DIS3L2: variants seen among roughly 807,000 people sequenced by gnomAD.
The protein encoded by DIS3L2 is DIS3 like 3'-5' exoribonuclease 2, also known as DIS3-like exonuclease 2.
In DIS3L2, 34 loss-of-function variants were observed where a neutral mutation model predicts 97.5. The ratio of observed to expected loss-of-function variants is 0.35; its 90% CI spans 0.27 to 0.46. The LOEUF is 0.46. Ranked by LOEUF, DIS3L2 falls within the 20% of genes least tolerant of loss-of-function variation. The pLI is 1.00. For missense variants in DIS3L2, 1,038 were observed against 1,146.0 expected, an observed-to-expected ratio of 0.91 and a Z score of 1.36; for synonymous variants, 435 against 445.2, an observed-to-expected ratio of 0.98 and a Z score of 0.29.
At chr2:232,265,089 T>G (rs1445359898) in intron 13 of DIS3L2, among the ~76,000 whole-genome samples, 1 of 152,208 alleles carries the variant, frequency 6.6e-6, no homozygotes, top group African/African-American at 2.4e-5. Context: ...GTGAACACAC[T>G]CTGTTTCTCA....
At chr2:231,981,909 C>G (rs923421720) in intron 1 of DIS3L2, among the ~76,000 whole-genome samples, 8 of 151,312 alleles carry the variant, frequency 5.3e-5, no homozygotes, top group Admixed American at 5.3e-4. Context: ...TGGTGCGTGC[C>G]TGTAATCCCA....
rs554765534 is a variant in DIS3L2 at position 232,278,252 on chromosome 2, T to C, written c.1659+14812T>C. Among the ~76,000 whole-genome samples, 4 of 152,296 alleles carry C rather than the reference T, an allele frequency of 2.6e-5. No homozygotes were observed. The South Asian group carries it at 8.3e-4, about 32-fold the overall frequency. On this transcript the variant is annotated intron_variant, in intron 13 of 20. Coordinates refer to ENST00000325385, the MANE Select transcript of DIS3L2 (RefSeq NM_152383.5). ...ATTTTACCATTTTATATGGTATCAC[T>C]AGAATCTTATAATACCTTAAGCACT...
intron 6 of DIS3L2, among the ~76,000 whole-genome samples, chr2:232,096,226 A>G (rs893535056): frequency 2.0e-5 from 3 of 151,852 alleles, no homozygotes; most frequent in African/African-American, 7.3e-5. Flanking sequence ...AGCTGGGACT[A>G]CAGGCGCCCG....
intron 6 of DIS3L2, among the ~76,000 whole-genome samples, chr2:232,103,448 T>C (rs6751516): frequency 0.086 from 13,143 of 152,260 alleles, 1,363 homozygotes; most frequent in East Asian, 0.5. Flanking sequence ...CAAGTGCCTT[T>C]TGAGCCTCTT....
intron 6 of DIS3L2, among the ~76,000 whole-genome samples, chr2:232,109,454 T>A (rs1697458236): frequency 6.6e-6 from 1 of 151,052 alleles, no homozygotes; most frequent in African/African-American, 2.4e-5. Context: ...AAGATAAAAA[T>A]AAATAAATAA....
intron 7 of DIS3L2, chr2:232,131,698 G>A (rs765571956): frequency 3.3e-5 from 5 of 152,012 alleles, no homozygotes; most frequent in Non-Finnish European, 7.4e-5. Flanking sequence ...CCATCAGTGT[G>A]TTTCATATGG....
At chr2:232,030,217 G>T in intron 5 of DIS3L2, 137 bp downstream of exon 5, 1 of 694,692 alleles carries the variant, frequency 1.4e-6, no homozygotes, top group Non-Finnish European at 2.4e-6. Context: ...AATCTTGGAA[G>T]CATGCTACCG....
At chr2:232,086,228 CGT>C (rs1369439975) in intron 5 of DIS3L2, among the ~76,000 whole-genome samples, 1 of 150,934 alleles carries the variant, frequency 6.6e-6, no homozygotes, top group Non-Finnish European at 1.5e-5. Flanking sequence ...CACGTATAGA[CGT>C]GTATACGTAT....
intron 1 of DIS3L2, among the ~76,000 whole-genome samples, chr2:231,962,499 G>T (rs1240067701): frequency 6.7e-6 from 1 of 149,310 alleles, no homozygotes; most frequent in East Asian, 2.0e-4. Flanking sequence ...GCAGTGGCGC[G>T]ATTCGGCTCA....
At chr2:232,058,001 G>A (rs1167911291) in intron 5 of DIS3L2, among the ~76,000 whole-genome samples, 2 of 152,152 alleles carry the variant, frequency 1.3e-5, no homozygotes, top group Non-Finnish European at 1.5e-5. Context: ...GCATTCCTCT[G>A]TATTTCCTTT....
At chr2:232,071,607 G>C (rs184086812) in intron 5 of DIS3L2, among the ~76,000 whole-genome samples, 218 of 152,280 alleles carry the variant, frequency 1.4e-3, no homozygotes, top group African/African-American at 4.9e-3. Context: ...TGTGAATGGT[G>C]TATAATGGAA....
intron 18 of DIS3L2, 27 bp downstream of exon 18, chr2:232,334,526 A>G: frequency 6.2e-7 from 1 of 1,611,216 alleles, no homozygotes; most frequent in Non-Finnish European, 8.5e-7. Flanking sequence ...GGTGCCCCTC[A>G]CCTCCCTCTG....
chr2:231,963,122 G>C (rs1343275915), intron 1 of DIS3L2, among the ~76,000 whole-genome samples: 1 of 152,182 alleles, frequency 6.6e-6, no homozygotes, highest in East Asian at 1.9e-4. Flanking sequence ...TGGGTGAAAT[G>C]GTGGCTCTTT....
intron 9 of DIS3L2, among the ~76,000 whole-genome samples, chr2:232,192,455 C>G (rs1300929253): frequency 5.3e-5 from 8 of 152,184 alleles, no homozygotes; most frequent in Admixed American, 5.2e-4. Flanking sequence ...AAAAATAAAT[C>G]AGAAGCACTT....
chr2:232,193,146 G>A (rs1691661811), intron 9 of DIS3L2, among the ~76,000 whole-genome samples: 1 of 152,186 alleles, frequency 6.6e-6, no homozygotes. Context: ...CAAATTCTAG[G>A]CAAGGATCAG....
chr2:232,175,596 C>T lies in DIS3L2; in HGVS notation c.1124+11964C>T, dbSNP rs1038742067. ...TTTCTTCTAGCTTTTATTTTAGGTT[C>T]GGGGGTACATGTATGTACGGGTTTA... On this transcript the variant is annotated intron_variant, in intron 9 of 20. Coordinates refer to ENST00000325385, the MANE Select transcript of DIS3L2 (RefSeq NM_152383.5). Among the ~76,000 whole-genome samples the T allele has an allele frequency of 8.6e-5, 13 of 151,594 alleles. No homozygotes were observed. The South Asian group carries it at 1.0e-3, about 12-fold the overall frequency.
intron 9 of DIS3L2, among the ~76,000 whole-genome samples, chr2:232,194,811 G>C (rs1052819066): frequency 1.3e-5 from 2 of 152,088 alleles, no homozygotes; most frequent in African/African-American, 4.8e-5. Context: ...CCCGCAACCT[G>C]GAAGCACAGG....
chr2:232,336,566 A>G lies in DIS3L2; in HGVS notation c.2594A>G (p.His865Arg), dbSNP rs745667339. ...AILKRPGTQGHLGPEKEEEES... is the reference protein window; with the variant it reads ...AILKRPGTQGRLGPEKEEEES... ...CTGAAGCGGCCAGGCACCCAGGGCCACCTGGGCCCTGAGAAGGAGGAGGAG... is the reference window on the plus strand; with the variant it reads ...CTGAAGCGGCCAGGCACCCAGGGCCGCCTGGGCCCTGAGAAGGAGGAGGAG... The change falls in exon 21 of 21, where the codon CAC (histidine) becomes CGC (arginine). Residue 865 changes from histidine to arginine, a missense_variant. By Grantham distance (29) the His-to-Arg change is conservative (BLOSUM62 0). Coordinates refer to ENST00000325385, the MANE Select transcript of DIS3L2 (RefSeq NM_152383.5). 6.2e-7 allele frequency: 1 copy of G among 1,609,526 alleles called. No individual in the cohort carries two copies. The highest frequency in any genetic ancestry group is 1.1e-5 in the South Asian group (1 of 91,064).
rs182625460 is a variant in DIS3L2, at chr2:232,058,234, C to T, written c.366+28154C>T. Among the ~76,000 whole-genome samples the T allele has an allele frequency of 1.8e-3, 271 of 152,142 alleles. 2 individuals are homozygous for T. Among genetic ancestry groups the T allele is most frequent in the Non-Finnish European group, 5.1e-4 (35 of 68,004 alleles). ...TGAAGCTGGAGATGTAATGATTTTT[C>T]ACTTTCTTATTTCAAAATTGATGAA... On this transcript the variant is annotated intron_variant, in intron 5 of 20. Transcript: ENST00000325385.
Sources: allele counts gnomAD v4.1 joint callset (sites outside exome capture counted in the v4.1 genomes callset), GRCh38; gene constraint gnomAD v4.1.1; transcripts MANE v1.5; gene names NCBI Gene and HGNC (gene_info 2026-07-23, HGNC 2026-07-21).